The following YEATS2 variants were observed in gnomAD, a reference collection of about 807,000 sequenced individuals.
YEATS2 encodes the protein YEATS domain containing 2.
YEATS2 carries 77 observed loss-of-function variants against 163.2 expected under a neutral mutation model. The ratio of observed to expected loss-of-function variants is 0.47; its 90% CI spans 0.39 to 0.57. The LOEUF (loss-of-function observed/expected upper bound fraction) is 0.57, where lower values mean the gene tolerates loss of function less well. YEATS2 is among the 20% of genes least tolerant of loss of function. The pLI, the probability that YEATS2 is intolerant of heterozygous loss-of-function variation, is 0.00. For synonymous variants in YEATS2, 631 were observed against 645.1 expected (o/e 0.98, Z 0.33); for missense variants, 1,549 against 1,729.8 (o/e 0.90, Z 1.85).
In YEATS2 at chr3:183,756,413, T is replaced by C. The variant is rs1577122291; in HGVS notation, c.1391-115T>C. On this transcript the variant is annotated intron_variant, in intron 11 of 30. Transcript: ENST00000305135. ...GGAGCACGCAGTATCCATTTTATTT[T>C]CCCAATTTGTTACCTTTGTCCTGGT... The C allele has an allele frequency of 6.1e-6, 6 of 991,010 alleles. No homozygotes were observed. The East Asian group carries it at 1.7e-4, about 28-fold the overall frequency. The allele number at this position is 991,010 out of a possible 1,614,324, so 61.4% of individuals were successfully genotyped here.
At chr3:183,764,454 T>G (rs1721697945) in intron 15 of YEATS2, among the ~76,000 whole-genome samples, 2 of 151,944 alleles carry the variant, frequency 1.3e-5, no homozygotes. Context: ...GAATGAATTG[T>G]TTTAAGAATA....
In YEATS2 at chr3:183,717,736, A is replaced by C; in HGVS notation, c.186A>C (p.Glu62Asp). 6.4e-7 allele frequency: 1 copy of C among 1,550,496 alleles called. No individual in the cohort carries two copies. ...LEMKNKEHEIEVIDQRLIEAR... is the reference protein window; with the variant it reads ...LEMKNKEHEIDVIDQRLIEAR... ...TGAAGAATAAGGAACATGAAATTGA[A>C]GTCATTGACCAGGTATAATGATGAT... Residue 62 changes from glutamate (E) to aspartate (D), a missense_variant, in exon 3 of 31, where the codon GAA becomes GAC. Physicochemically the swap from Glu to Asp is conservative, Grantham distance 45 (BLOSUM62 2). Coordinates refer to ENST00000305135, the MANE Select transcript of YEATS2 (RefSeq NM_018023.5).
chr3:183,810,431 G>T, intron 30 of YEATS2, 44 bp from the exon 31 acceptor site: 4 of 1,524,500 alleles, frequency 2.6e-6, no homozygotes, highest in Non-Finnish European at 3.6e-6. Context: ...TGAGATATAC[G>T]TGAGAGAATT....
At chr3:183,737,572 T>A (rs544871552) in intron 8 of YEATS2, among the ~76,000 whole-genome samples, 2 of 152,384 alleles carry the variant, frequency 1.3e-5, no homozygotes, top group South Asian at 2.1e-4. Context: ...AAATCTTTTT[T>A]AAATCTGTTT....
chr3:183,795,727 A>C (rs1577210216), intron 21 of YEATS2, among the ~76,000 whole-genome samples: 1 of 152,030 alleles, frequency 6.6e-6, no homozygotes, highest in Non-Finnish European at 1.5e-5. Context: ...ATTTAGTTAT[A>C]AGCCTTTTAG....
intron 15 of YEATS2, among the ~76,000 whole-genome samples, chr3:183,764,101 G>A (rs1165578328): frequency 3.3e-5 from 5 of 152,084 alleles, no homozygotes; most frequent in Non-Finnish European, 7.4e-5. Context: ...GCTGGGCACG[G>A]TGGCTCACGC....
intron 15 of YEATS2, among the ~76,000 whole-genome samples, chr3:183,770,926 T>A (rs1722391966): frequency 6.6e-6 from 1 of 152,264 alleles, no homozygotes. Context: ...GTTAAGAATG[T>A]TGTTGCATGC....
At chr3:183,796,393 C>T (rs1367512041) in intron 21 of YEATS2, among the ~76,000 whole-genome samples, 1 of 151,510 alleles carries the variant, frequency 6.6e-6, no homozygotes, top group Non-Finnish European at 1.5e-5. Context: ...AAATGGCCCT[C>T]TGAATGCCTA....
intron 4 of YEATS2, among the ~76,000 whole-genome samples, chr3:183,721,056 G>A (rs1429448149): frequency 6.6e-6 from 1 of 152,068 alleles, no homozygotes; most frequent in Non-Finnish European, 1.5e-5. Context: ...GTTCTGATCT[G>A]TGCTATTTGA....
intron 28 of YEATS2, 26 bp downstream of exon 28, chr3:183,807,118 A>C (rs1307015551): frequency 1.4e-5 from 22 of 1,592,448 alleles, no homozygotes; most frequent in Non-Finnish European, 1.8e-5. Flanking sequence ...TTAATAGTTC[A>C]TGCAGCAGAC....
intron 15 of YEATS2, among the ~76,000 whole-genome samples, chr3:183,765,169 A>G (rs1721780874): frequency 6.6e-6 from 1 of 152,256 alleles, no homozygotes; most frequent in East Asian, 1.9e-4. Flanking sequence ...CCCTTAGTAA[A>G]TCAGTTATTG....
intron 8 of YEATS2, among the ~76,000 whole-genome samples, chr3:183,745,333 A>G (rs1577098567): frequency 6.6e-6 from 1 of 152,150 alleles, no homozygotes; most frequent in Admixed American, 6.5e-5. Flanking sequence ...GAATGCCCCC[A>G]CCTGCTCTCA....
chr3:183,808,001 G>T, intron 28 of YEATS2, 29 bp from the exon 29 acceptor site: 1 of 1,546,772 alleles, frequency 6.5e-7, no homozygotes, highest in South Asian at 1.2e-5. Context: ...GCAGCGATAC[G>T]AACAAACGGC....
At chr3:183,753,861 TAAG>T (rs1720440719) in intron 10 of YEATS2, among the ~76,000 whole-genome samples, 1 of 152,198 alleles carries the variant, frequency 6.6e-6, no homozygotes, top group African/African-American at 2.4e-5. Context: ...TGGAGGAACA[TAAG>T]AACTTTTGTT....
At position 183,755,834 on chromosome 3, in the gene YEATS2, C is replaced by G. The variant is rs1422223402; in HGVS notation, c.1391-694C>G. Reference sequence around the variant, plus strand: ...AATGGCACGATCTCGGCTCACTCCGCCACCCGGGTTCAAGCGATTCTCCTG... The same window carrying G: ...AATGGCACGATCTCGGCTCACTCCGGCACCCGGGTTCAAGCGATTCTCCTG... On this transcript the variant is annotated intron_variant, in intron 11 of 30. Transcript: ENST00000305135. 2.1e-5 allele frequency among the ~76,000 whole-genome samples: 3 copies of G among 146,008 alleles called. 1 individual carries two copies. The highest frequency in any genetic ancestry group is 4.5e-5 in the Non-Finnish European group (3 of 67,234).
chr3:183,809,205 T>C, intron 30 of YEATS2, 35 bp downstream of exon 30: 4 of 1,590,508 alleles, frequency 2.5e-6, no homozygotes, highest in South Asian at 1.1e-5. Context: ...GTGTGAGGCT[T>C]ACACCTCTTT....
intron 8 of YEATS2, among the ~76,000 whole-genome samples, chr3:183,740,768 A>C (rs1718864747): frequency 6.6e-6 from 1 of 152,214 alleles, no homozygotes; most frequent in Non-Finnish European, 1.5e-5. Flanking sequence ...GATCCAGCTA[A>C]GATCATTGAT....
At chr3:183,729,477 A>G (rs1231005880) in intron 7 of YEATS2, among the ~76,000 whole-genome samples, 2 of 152,180 alleles carry the variant, frequency 1.3e-5, no homozygotes, top group East Asian at 1.9e-4. Context: ...ACAGAATTAA[A>G]TATAGTATTC....
chr3:183,716,100 C>T (rs1237221877), intron 2 of YEATS2, among the ~76,000 whole-genome samples: 2 of 152,026 alleles, frequency 1.3e-5, no homozygotes, highest in African/African-American at 2.4e-5. Context: ...GCTGGGACTA[C>T]AGGCACCCGC....
Sources: gnomAD v4.1 joint callset for allele counts (sites outside exome capture counted in the v4.1 genomes callset) on GRCh38, gnomAD v4.1.1 for gene constraint, MANE v1.5 for transcripts, NCBI Gene and HGNC (gene_info 2026-07-23, HGNC 2026-07-21) for gene names.